The following SYK variants were observed in gnomAD, a reference collection of about 807,000 sequenced individuals.
SYK encodes the protein tyrosine-protein kinase SYK.
In SYK, 16 loss-of-function variants were observed where a neutral mutation model predicts 77.8. The ratio of observed to expected loss-of-function variants is 0.21; its 90% CI spans 0.14 to 0.31. SYK has a LOEUF of 0.31. Among genes scored for constraint, SYK ranks in the 10% least tolerant of loss-of-function variants. The pLI is 1.00. For missense variants in SYK, 529 were observed against 814.4 expected (o/e 0.65, Z 4.26); for synonymous variants, 312 against 308.7 (o/e 1.01, Z -0.11).
In SYK at chr9:90,878,744, G is replaced by T; in HGVS notation, c.1392-20G>T. On this transcript the variant is annotated intron_variant, in intron 10 of 13. Coordinates refer to ENST00000375754, the MANE Select transcript of SYK (RefSeq NM_003177.7). ...TGGGTCACTGTCTGTTATAGCTGAT[G>T]AGATCATTATGACTTTCAGACATGT... 1 of 1,593,714 alleles carries T rather than the reference G, an allele frequency of 6.3e-7. No homozygotes were observed. Among genetic ancestry groups the T allele is most frequent in the Admixed American group, 1.7e-5 (1 of 59,804 alleles).
chr9:90,821,682 C>T (rs1011435894), intron 1 of SYK, among the ~76,000 whole-genome samples: 7 of 152,188 alleles, frequency 4.6e-5, no homozygotes, highest in African/African-American at 1.7e-4. Context: ...ATGCATATTC[C>T]AGACGCTCCA....
chr9:90,859,740 C>A (rs944493469), intron 3 of SYK, among the ~76,000 whole-genome samples: 1 of 152,220 alleles, frequency 6.6e-6, no homozygotes, highest in Admixed American at 6.5e-5. Context: ...CTGCTCCCCA[C>A]TCTCAGTAGC....
chr9:90,895,890 A>C lies in SYK; in HGVS notation c.*290A>C. 2.5e-6 allele frequency: 1 copy of C among 406,392 alleles called. No homozygotes were observed. Among genetic ancestry groups the C allele is most frequent in the South Asian group, 3.1e-5 (1 of 31,782 alleles). 25.2% of individuals were successfully genotyped at this position (406,392 alleles called of 1,614,324 possible). Reference sequence around the variant, plus strand: ...GGTTATTTTTACGATCTGTTTCCAAATCCCTTTCATGTCTTTCCACTTCTC... The same window carrying C: ...GGTTATTTTTACGATCTGTTTCCAACTCCCTTTCATGTCTTTCCACTTCTC... On this transcript the variant is annotated 3_prime_UTR_variant, in exon 14 of 14. Transcript: ENST00000375754. This position sits in a 1 kb window ranked among gnomAD's most constrained non-coding sequence, Gnocchi z 4.4.
At chr9:90,849,958 T>C (rs1310759008) in intron 3 of SYK, among the ~76,000 whole-genome samples, 4 of 152,224 alleles carry the variant, frequency 2.6e-5, no homozygotes, top group Non-Finnish European at 5.9e-5. Flanking sequence ...CTTGGATACA[T>C]CAGTAACATA....
At chr9:90,848,407 C>A (rs192133617) in intron 3 of SYK, among the ~76,000 whole-genome samples, 2 of 152,212 alleles carry the variant, frequency 1.3e-5, no homozygotes, top group Non-Finnish European at 2.9e-5. Context: ...GTCAGGCCAA[C>A]GTTGCAGGAA....
chr9:90,876,004 G>A (rs528461981), intron 9 of SYK, among the ~76,000 whole-genome samples: 120 of 152,178 alleles, frequency 7.9e-4, no homozygotes, highest in Middle Eastern at 3.4e-3. Context: ...CGTGCTTTCC[G>A]GCCGGGTGCC....
intron 12 of SYK, among the ~76,000 whole-genome samples, chr9:90,888,159 G>T (rs1828649408): frequency 6.6e-6 from 1 of 152,084 alleles, no homozygotes; most frequent in African/African-American, 2.4e-5. Context: ...TAGAAATAAT[G>T]ACTATTTACA....
intron 3 of SYK, among the ~76,000 whole-genome samples, chr9:90,856,404 T>C (rs1827039435): frequency 6.6e-6 from 1 of 152,222 alleles, no homozygotes; most frequent in Non-Finnish European, 1.5e-5. Flanking sequence ...TTAAATACAG[T>C]TTGACCTTCT....
rs1157510253 is a variant in SYK at position 90,897,539 on chromosome 9, TC to T, written c.*1941del. ...CTCTTGGTGGCTTCCTTCTGTAACT[TC>T]CAGAGGGAGTCTTCAACACAGGCCC... On this transcript the variant is annotated 3_prime_UTR_variant, in exon 14 of 14. Coordinates refer to ENST00000375754, the MANE Select transcript of SYK (RefSeq NM_003177.7). The T allele has an allele frequency of 4.3e-6, 1 of 231,502 alleles. No individual in the cohort carries two copies. Among genetic ancestry groups the T allele is most frequent in the Non-Finnish European group, 8.5e-6 (1 of 116,982 alleles). 14.3% of individuals were successfully genotyped at this position (231,502 alleles called of 1,614,324 possible).
At chr9:90,877,423 C>T in intron 9 of SYK, 148 bp from the exon 10 acceptor site, 1 of 775,832 alleles carries the variant, frequency 1.3e-6, no homozygotes, top group Non-Finnish European at 2.1e-6. Context: ...GCCAGCCATC[C>T]ATTACAGGCT....
At chr9:90,826,248 T>A (rs1396755155) in intron 1 of SYK, among the ~76,000 whole-genome samples, 2 of 152,266 alleles carry the variant, frequency 1.3e-5, no homozygotes, top group Non-Finnish European at 2.9e-5. Context: ...AGCAAGCCAG[T>A]TGACCCTCCT....
At chr9:90,882,399 G>A (rs1414438605) in intron 11 of SYK, among the ~76,000 whole-genome samples, 3 of 152,212 alleles carry the variant, frequency 2.0e-5, no homozygotes, top group Non-Finnish European at 2.9e-5. Flanking sequence ...GTAGTGTCAT[G>A]AAATCAGTTT....
chr9:90,820,627 G>A (rs1825478132), intron 1 of SYK, among the ~76,000 whole-genome samples: 1 of 152,002 alleles, frequency 6.6e-6, no homozygotes, highest in African/African-American at 2.4e-5. Flanking sequence ...GAGGACCCTG[G>A]GCCCAGGCCA....
chr9:90,841,358 C>T (rs991082372), intron 1 of SYK, among the ~76,000 whole-genome samples: 1 of 73,158 alleles, frequency 1.4e-5, no homozygotes, highest in Non-Finnish European at 3.1e-5. Flanking sequence ...TTTGTGTATA[C>T]TGTGTGTAGT....
chr9:90,844,372 A>T, intron 2 of SYK, 57 bp downstream of exon 2: 1 of 1,473,970 alleles, frequency 6.8e-7, no homozygotes, highest in Non-Finnish European at 9.0e-7. Flanking sequence ...CCCCACACAG[A>T]CTTCCTGGCT....
At position 90,817,923 on chromosome 9, in the gene SYK, GA is replaced by G. The variant is rs549051848; in HGVS notation, c.-42+16032del. On this transcript the variant is annotated intron_variant, in intron 1 of 13. Transcript: ENST00000375754. ...AGAGAGAGAGAGGGTGAAAGAGAGA[GA>G]ATGAATTGGTTTAATACATATTTCT... Among the ~76,000 whole-genome samples, 452 of 151,972 alleles carry G rather than the reference GA, an allele frequency of 3.0e-3. 3 individuals are homozygous for G. Among genetic ancestry groups the G allele is most frequent in the African/African-American group, 0.01 (432 of 41,438 alleles).
intron 11 of SYK, among the ~76,000 whole-genome samples, chr9:90,885,528 A>C (rs1828531360): frequency 6.6e-6 from 1 of 152,234 alleles, no homozygotes; most frequent in African/African-American, 2.4e-5. Context: ...CCTTCATGAT[A>C]TATGGGGCAG....
chr9:90,896,792 C>T lies in SYK; in HGVS notation c.*1192C>T, dbSNP rs201846169. The T allele has an allele frequency of 1.0e-4, 22 of 221,022 alleles. No homozygotes were observed. The highest frequency in any genetic ancestry group is 3.3e-4 in the East Asian group (5 of 15,112). 13.7% of individuals were successfully genotyped at this position (221,022 alleles called of 1,614,324 possible). The stretch of plus-strand genomic sequence containing the variant: ...GAGACATCTCAGCACTTTAGGAGGC[C>T]GAGGCGGGTGGATCACTTGAGGTAA... On this transcript the variant is annotated 3_prime_UTR_variant, in exon 14 of 14. Transcript: ENST00000375754.
chr9:90,822,779 T>C (rs905793851), intron 1 of SYK, among the ~76,000 whole-genome samples: 7 of 152,072 alleles, frequency 4.6e-5, no homozygotes, highest in Non-Finnish European at 1.0e-4. Flanking sequence ...TCAGTGGGAG[T>C]CTTACTTGCA....
Sources: allele counts gnomAD v4.1 joint callset (sites outside exome capture counted in the v4.1 genomes callset), GRCh38; gene constraint gnomAD v4.1.1; non-coding constraint Gnocchi (gnomAD v3.1); transcripts MANE v1.5; gene names NCBI Gene and HGNC (gene_info 2026-07-23, HGNC 2026-07-21).